The following TRIM24 variants were observed in gnomAD, a reference collection of about 807,000 sequenced individuals.
The protein encoded by TRIM24 is transcription intermediary factor 1-alpha.
A neutral mutation model predicts 123.9 loss-of-function variants in TRIM24; 29 were observed. That is an observed-to-expected ratio of 0.23 (90% CI 0.17 to 0.32). TRIM24 has a LOEUF of 0.32. Among genes scored for constraint, TRIM24 ranks in the 10% least tolerant of loss-of-function variants. TRIM24 has a pLI of 1.00. For synonymous variants in TRIM24, 456 were observed against 461.1 expected (o/e 0.99, Z 0.14); for missense variants, 932 against 1,295.3 (o/e 0.72, Z 4.31).
At chr7:138,480,144 T>C (rs1056038310) in intron 1 of TRIM24, among the ~76,000 whole-genome samples, 1 of 152,154 alleles carries the variant, frequency 6.6e-6, no homozygotes, top group Non-Finnish European at 1.5e-5. Context: ...TAAATTTTTT[T>C]TTGTAGTGAC....
intron 9 of TRIM24, chr7:138,556,335 T>C (rs1300399370): frequency 1.3e-5 from 2 of 152,220 alleles, no homozygotes; most frequent in Admixed American, 6.5e-5. Context: ...CTGGCCACTC[T>C]TGAAAGTTAA....
intron 1 of TRIM24, among the ~76,000 whole-genome samples, chr7:138,499,626 G>T (rs1795992113): frequency 6.6e-6 from 1 of 152,164 alleles, no homozygotes; most frequent in Non-Finnish European, 1.5e-5. Flanking sequence ...GGGAATGACA[G>T]GAACAGAAAC....
chr7:138,500,602 C>CATGGCTT (rs908833618), intron 1 of TRIM24, among the ~76,000 whole-genome samples: 3 of 150,354 alleles, frequency 2.0e-5, no homozygotes, highest in South Asian at 4.2e-4. Flanking sequence ...GGCCAGGCAC[C>CATGGCTT]ATGGCTTATG....
At chr7:138,461,056 G>C in intron 1 of TRIM24, 144 bp downstream of exon 1, 1 of 903,636 alleles carries the variant, frequency 1.1e-6, no homozygotes, top group Non-Finnish European at 1.7e-6. Context: ...CTGTGCTGGC[G>C]ACGGTGACAT....
rs577555744 is a variant in TRIM24, at chr7:138,555,986, A to G, written c.1530+1020A>G. On this transcript the variant is annotated intron_variant, in intron 9 of 18. Transcript: ENST00000343526. ...TTTTTTTGGTTGTCAATATGTAAAC[A>G]TTAGTCTGGATGAAGGTGGCAAAAG... Among the ~76,000 whole-genome samples, 14 of 152,282 alleles carry G rather than the reference A, an allele frequency of 9.2e-5. No individual in the cohort carries two copies. In the East Asian group the frequency reaches 2.5e-3, roughly 27 times the overall value.
At chr7:138,479,727 C>T (rs12707387) in intron 1 of TRIM24, among the ~76,000 whole-genome samples, 65,774 of 151,304 alleles carry the variant, frequency 0.43, 15,085 homozygotes, top group Middle Eastern at 0.49. Context: ...AGGCTGGTCT[C>T]GAACTCCCGA....
intron 13 of TRIM24, 78 bp from the exon 14 acceptor site, chr7:138,577,342 A>G (rs1248216552): frequency 1.7e-6 from 2 of 1,185,632 alleles, no homozygotes; most frequent in Non-Finnish European, 2.3e-6. Flanking sequence ...AGTATTTTAG[A>G]AAGTTGTTGT....
At chr7:138,560,719 G>A (rs1797409604) in intron 9 of TRIM24, among the ~76,000 whole-genome samples, 1 of 152,164 alleles carries the variant, frequency 6.6e-6, no homozygotes, top group Admixed American at 6.5e-5. Context: ...TTTCAGGGAT[G>A]GCTAGCCTCT....
At chr7:138,476,584 C>T (rs1252840912) in intron 1 of TRIM24, among the ~76,000 whole-genome samples, 6 of 141,458 alleles carry the variant, frequency 4.2e-5, no homozygotes. Context: ...CAGAGCGAGG[C>T]TCCGTCTCAA....
At chr7:138,505,509 G>GGTGGTTGTT (rs1554436147) in intron 2 of TRIM24, among the ~76,000 whole-genome samples, 3 of 143,820 alleles carry the variant, frequency 2.1e-5, no homozygotes, top group Non-Finnish European at 3.0e-5. Context: ...TGGGGGTGGT[G>GGTGGTTGTT]GTTGTTGTTG....
intron 7 of TRIM24, among the ~76,000 whole-genome samples, chr7:138,541,849 T>G (rs1797011456): frequency 6.6e-6 from 1 of 152,226 alleles, no homozygotes; most frequent in Non-Finnish European, 1.5e-5. Flanking sequence ...GCTTCTACAT[T>G]AGCACTTGGT....
At chr7:138,553,370 C>T (rs542876038) in intron 8 of TRIM24, among the ~76,000 whole-genome samples, 1 of 152,120 alleles carries the variant, frequency 6.6e-6, no homozygotes, top group Admixed American at 6.6e-5. Flanking sequence ...CCTTAGATCC[C>T]TTATGTGTAA....
chr7:138,508,783 C>T (rs1196896767), intron 2 of TRIM24, among the ~76,000 whole-genome samples: 7 of 149,038 alleles, frequency 4.7e-5, no homozygotes, highest in Non-Finnish European at 8.9e-5. Context: ...TTGCTGTCTC[C>T]CTTGCTGTTT....
At chr7:138,578,531 T>TG (rs1261796470) in intron 14 of TRIM24, among the ~76,000 whole-genome samples, 22 of 86,980 alleles carry the variant, frequency 2.5e-4, no homozygotes, top group African/African-American at 9.6e-4. Flanking sequence ...TGGTGGTGGT[T>TG]TTGTGTGTGT....
chr7:138,468,668 T>G (rs554213387), intron 1 of TRIM24, among the ~76,000 whole-genome samples: 4 of 152,344 alleles, frequency 2.6e-5, no homozygotes, highest in Admixed American at 2.6e-4. Context: ...TGTTTTCTCT[T>G]TGTTCCTGCT....
intron 2 of TRIM24, among the ~76,000 whole-genome samples, chr7:138,506,380 C>T (rs1052079833): frequency 1.3e-4 from 20 of 152,164 alleles, no homozygotes; most frequent in African/African-American, 4.1e-4. Context: ...TTTCTGTCTT[C>T]CATTGCATCA....
chr7:138,531,020 C>T (rs6950131), intron 6 of TRIM24, among the ~76,000 whole-genome samples: 1 of 151,996 alleles, frequency 6.6e-6, no homozygotes, highest in Non-Finnish European at 1.5e-5. Context: ...GTGGTATAGC[C>T]TTGGCTCACT....
At position 138,545,515 on chromosome 7, in the gene TRIM24, T is replaced by C. The variant is rs545610818; in HGVS notation, c.1144-5548T>C. On this transcript the variant is annotated intron_variant, in intron 7 of 18. Coordinates refer to ENST00000343526, the MANE Select transcript of TRIM24 (RefSeq NM_015905.3). The stretch of plus-strand genomic sequence containing the variant: ...AGTTAGGCTAGGAAGGGCCCAAAGA[T>C]GTGTTGGATTGGAATTAAGAGTACA... The C allele has an allele frequency of 1.6e-4, 75 of 456,886 alleles. 2 individuals are homozygous for C. Among genetic ancestry groups the C allele is most frequent in the South Asian group, 1.1e-3 (74 of 64,568 alleles). The allele number at this position is 456,886 out of a possible 1,614,324, so 28.3% of individuals were successfully genotyped here. A position where few individuals can be genotyped will look rare whatever the true frequency, so the allele number is the denominator to read the frequency against.
At chr7:138,571,251 A>C (rs1467637105) in intron 11 of TRIM24, among the ~76,000 whole-genome samples, 1 of 152,200 alleles carries the variant, frequency 6.6e-6, no homozygotes, top group East Asian at 1.9e-4. Context: ...GTGAGCTGAG[A>C]TCATGCCACT....
Sources: gnomAD v4.1 joint callset for allele counts (sites outside exome capture counted in the v4.1 genomes callset) on GRCh38, gnomAD v4.1.1 for gene constraint, MANE v1.5 for transcripts, NCBI Gene and HGNC (gene_info 2026-07-23, HGNC 2026-07-21) for gene names.